FBN2: variants seen among roughly 807,000 people sequenced by gnomAD.
The protein encoded by FBN2 is fibrillin 2.
Under a neutral mutation model 355.6 loss-of-function variants are expected in FBN2, and 105 were observed. The ratio of observed to expected loss-of-function variants is 0.30; its 90% CI spans 0.25 to 0.35. The LOEUF is 0.35. FBN2 is among the 10% of genes least tolerant of loss of function. The probability of loss-of-function intolerance (pLI) is 1.00; values close to 1 mark genes in which losing one functional copy is unlikely to be tolerated. For missense variants in FBN2, 3,280 were observed against 3,758.7 expected (o/e 0.87, Z 3.33); for synonymous variants, 1,350 against 1,301.2 (o/e 1.04, Z -0.81).
chr5:128,399,265 C>G (rs938370720), intron 8 of FBN2, among the ~76,000 whole-genome samples: 11 of 152,140 alleles, frequency 7.2e-5, no homozygotes, highest in African/African-American at 2.7e-4. Context: ...GGTGGAAAAA[C>G]AAGACAGATC....
intron 10 of FBN2, among the ~76,000 whole-genome samples, chr5:128,392,395 A>G (rs1752539481): frequency 1.3e-5 from 2 of 152,216 alleles, no homozygotes; most frequent in South Asian, 2.1e-4. Flanking sequence ...TCTTTTTAAA[A>G]TTACAGGAAT....
chr5:128,450,424 C>T (rs186301268), intron 6 of FBN2, among the ~76,000 whole-genome samples: 444 of 152,094 alleles, frequency 2.9e-3, no homozygotes, highest in Non-Finnish European at 4.9e-3. Flanking sequence ...AAACAATATA[C>T]TTTGAAACAA....
At chr5:128,272,192 C>G (rs757004950) in intron 61 of FBN2, 74 bp from the exon 62 acceptor site, 27 of 1,529,238 alleles carry the variant, frequency 1.8e-5, no homozygotes, top group Non-Finnish European at 2.3e-5. Flanking sequence ...CAAACGAAAC[C>G]TGGGGTAACT....
At chr5:128,446,749 C>T in intron 6 of FBN2, 143 bp from the exon 7 acceptor site, 1 of 685,070 alleles carries the variant, frequency 1.5e-6, no homozygotes, top group Non-Finnish European at 2.5e-6. Flanking sequence ...AGTAAAACAC[C>T]TTTGTATGCA....
chr5:128,472,930 T>G (rs1176439278), intron 5 of FBN2, among the ~76,000 whole-genome samples: 1 of 152,162 alleles, frequency 6.6e-6, no homozygotes, highest in African/African-American at 2.4e-5. Context: ...GCCTGAATAT[T>G]TAACACAAAA....
chr5:128,536,331 G>A, intron 2 of FBN2, 71 bp downstream of exon 2: 1 of 1,174,158 alleles, frequency 8.5e-7, no homozygotes, highest in Non-Finnish European at 1.3e-6. Flanking sequence ...CCAAATGGCT[G>A]AGTGCAAGAG....
At position 128,328,796 on chromosome 5, in the gene FBN2, T is replaced by A; in HGVS notation, c.4371A>T (p.Ile1457=). ...CSDVDECAEN[I]NLCENGQCLN... Reference sequence around the variant, plus strand: ...GGCACTGTCCGTTCTCACAGAGGTTTATGTTTTCTGCACACTCATCAACAT... The same window carrying A: ...GGCACTGTCCGTTCTCACAGAGGTTAATGTTTTCTGCACACTCATCAACAT... Residue 1457 remains isoleucine (I), a synonymous_variant, in exon 34 of 65, where the codon ATA becomes ATT. Coordinates refer to ENST00000262464, the MANE Select transcript of FBN2 (RefSeq NM_001999.4). 6.2e-7 allele frequency: 1 copy of A among 1,614,188 alleles called. No individual in the cohort carries two copies.
At chr5:128,276,005 T>G (rs767750497) in intron 59 of FBN2, 33 bp downstream of exon 59, 56 of 1,610,656 alleles carry the variant, frequency 3.5e-5, no homozygotes, top group Non-Finnish European at 3.9e-5. Context: ...AGATACAGAC[T>G]AGGGTCACGA....
intron 2 of FBN2, among the ~76,000 whole-genome samples, chr5:128,534,918 T>C (rs188630034): frequency 1.5e-4 from 23 of 152,338 alleles, no homozygotes; most frequent in African/African-American, 5.5e-4. Context: ...CCGCCGTGCC[T>C]AAGTCACTCC....
chr5:128,299,813 G>A (rs1017075842), intron 48 of FBN2, among the ~76,000 whole-genome samples: 6 of 152,162 alleles, frequency 3.9e-5, no homozygotes, highest in Admixed American at 6.5e-5. Context: ...GCTGTAGACC[G>A]GAGCTGTTCC....
In FBN2 at chr5:128,344,350, A is replaced by T. The variant is rs17676694; in HGVS notation, c.3343+35T>A. On this transcript the variant is annotated intron_variant, in intron 25 of 64. Transcript: ENST00000262464. ...CAAACAGAGTAAAGGAAAGACAGCC[A>T]GAGTTTATCAAATAAAACAGCAGAA... 0.098 allele frequency: 158,678 copies of T among 1,611,170 alleles called. 8,990 individuals are homozygous for T. The highest frequency in any genetic ancestry group is 0.12 in the Non-Finnish European group (138,105 of 1,177,238).
At chr5:128,452,576 T>C (rs144026016) in intron 6 of FBN2, among the ~76,000 whole-genome samples, 2 of 152,296 alleles carry the variant, frequency 1.3e-5, no homozygotes, top group East Asian at 1.9e-4. Context: ...TGCAGTATTA[T>C]AGGCATATAA....
intron 5 of FBN2, among the ~76,000 whole-genome samples, chr5:128,512,614 C>T (rs1045387210): frequency 2.8e-4 from 43 of 151,854 alleles, no homozygotes; most frequent in Non-Finnish European, 4.4e-4. Flanking sequence ...ACACAGGCCA[C>T]GGCACTTCAT....
intron 48 of FBN2, among the ~76,000 whole-genome samples, chr5:128,299,180 G>A (rs916071153): frequency 1.3e-5 from 2 of 151,928 alleles, no homozygotes; most frequent in Non-Finnish European, 2.9e-5. Flanking sequence ...TGAGGAGGCA[G>A]TCTGCCCGTT....
At chr5:128,260,598 G>A (rs1013144383) in intron 64 of FBN2, among the ~76,000 whole-genome samples, 1 of 152,238 alleles carries the variant, frequency 6.6e-6, no homozygotes, top group East Asian at 1.9e-4. Context: ...ACCCCAATGG[G>A]AAAGTTTATA....
At chr5:128,490,026 A>G (rs1755457591) in intron 5 of FBN2, among the ~76,000 whole-genome samples, 1 of 152,172 alleles carries the variant, frequency 6.6e-6, no homozygotes, top group Non-Finnish European at 1.5e-5. Flanking sequence ...AAATCATTTC[A>G]TGGAAAGAGC....
At chr5:128,404,655 A>T (rs375593796) in intron 8 of FBN2, among the ~76,000 whole-genome samples, 2 of 152,226 alleles carry the variant, frequency 1.3e-5, no homozygotes, top group South Asian at 4.1e-4. Context: ...ACAAACTTCT[A>T]TGCAAGATGC....
intron 13 of FBN2, among the ~76,000 whole-genome samples, chr5:128,377,164 T>A (rs1322525312): frequency 6.6e-6 from 1 of 152,218 alleles, no homozygotes; most frequent in Non-Finnish European, 1.5e-5. Context: ...GTGTTTATTT[T>A]ATAAGAAAAT....
chr5:128,463,918 T>C lies in FBN2; in HGVS notation c.826+806A>G, dbSNP rs1754626914. Among the ~76,000 whole-genome samples, 3 of 152,344 alleles carry C rather than the reference T, an allele frequency of 2.0e-5. No homozygotes were observed. The South Asian group carries it at 6.2e-4, about 32-fold the overall frequency. ...TACAAAAATCATTTCTGTTTTCCTG[T>C]GATCTTACTGCTATGCAATATGAAG... On this transcript the variant is annotated intron_variant, in intron 6 of 64. Coordinates refer to ENST00000262464, the MANE Select transcript of FBN2 (RefSeq NM_001999.4).
Sources: gnomAD v4.1 joint callset for allele counts (sites outside exome capture counted in the v4.1 genomes callset) on GRCh38, gnomAD v4.1.1 for gene constraint, MANE v1.5 for transcripts, NCBI Gene and HGNC (gene_info 2026-07-23, HGNC 2026-07-21) for gene names.